SLC20A2: variants seen among roughly 807,000 people sequenced by gnomAD.
SLC20A2 encodes the protein sodium-dependent phosphate transporter 2.
A neutral mutation model predicts 61.0 loss-of-function variants in SLC20A2; 30 were observed. The observed-to-expected ratio is 0.49, with a 90% CI of 0.37 to 0.67. The LOEUF (loss-of-function observed/expected upper bound fraction) is 0.67. SLC20A2 is among the 30% of genes least tolerant of loss of function. The pLI is 0.00. For missense variants in SLC20A2, 626 were observed against 866.4 expected (o/e 0.72, Z 3.48); for synonymous variants, 351 against 353.3 (o/e 0.99, Z 0.07).
chr8:42,447,307 T>C (rs980163641), intron 5 of SLC20A2, among the ~76,000 whole-genome samples: 1 of 151,250 alleles, frequency 6.6e-6, no homozygotes, highest in Admixed American at 6.6e-5. Flanking sequence ...GATAGCGCCA[T>C]TGAACTCCAG....
intron 5 of SLC20A2, among the ~76,000 whole-genome samples, chr8:42,451,800 G>A (rs1183986134): frequency 6.9e-6 from 1 of 144,048 alleles, no homozygotes; most frequent in Non-Finnish European, 1.5e-5. Flanking sequence ...AGAGGAGGAG[G>A]AAGAGATGGA....
chr8:42,513,560 A>G (rs1348089706), intron 1 of SLC20A2, among the ~76,000 whole-genome samples: 3 of 152,344 alleles, frequency 2.0e-5, no homozygotes, highest in Admixed American at 1.3e-4. Context: ...AACCACTCCT[A>G]TACCACATTG....
upstream of SLC20A2, among the ~76,000 whole-genome samples, chr8:42,503,644 T>C (rs1418406390): frequency 2.6e-5 from 4 of 152,352 alleles, no homozygotes; most frequent in East Asian, 7.7e-4. Flanking sequence ...TTCTTTTGTT[T>C]GTACTGCCCC....
chr8:42,508,352 T>TTTTG (rs34337764), intron 1 of SLC20A2, among the ~76,000 whole-genome samples: 16,540 of 151,940 alleles, frequency 0.11, 990 homozygotes, highest in African/African-American at 0.16. Context: ...TGGTATTTGT[T>TTTTG]TTTGTTTGTT....
At chr8:42,464,048 G>GAC (rs572387988) in intron 3 of SLC20A2, among the ~76,000 whole-genome samples, 97 of 145,350 alleles carry the variant, frequency 6.7e-4, no homozygotes, top group Non-Finnish European at 3.9e-4. Flanking sequence ...AGGTAGAGAG[G>GAC]ACAGTTGACA....
intron 2 of SLC20A2, among the ~76,000 whole-genome samples, chr8:42,466,432 C>T (rs1479809564): frequency 6.6e-6 from 1 of 152,184 alleles, no homozygotes; most frequent in African/African-American, 2.4e-5. Context: ...ACACTGACTG[C>T]CCTTGTCAGT....
intron 1 of SLC20A2, among the ~76,000 whole-genome samples, chr8:42,490,450 A>T (rs1222187991): frequency 6.6e-6 from 1 of 152,174 alleles, no homozygotes; most frequent in Non-Finnish European, 1.5e-5. Context: ...TACAAAAATT[A>T]GCCGGACATG....
chr8:42,455,963 A>C (rs757904334), intron 5 of SLC20A2, among the ~76,000 whole-genome samples: 3 of 152,212 alleles, frequency 2.0e-5, no homozygotes, highest in Non-Finnish European at 4.4e-5. Flanking sequence ...AGTTCAATAC[A>C]GTTACATTAT....
chr8:42,505,454 TA>T (rs1336201401), upstream of SLC20A2, among the ~76,000 whole-genome samples: 4 of 152,284 alleles, frequency 2.6e-5, no homozygotes, highest in African/African-American at 9.6e-5. Flanking sequence ...AAATGAAGGT[TA>T]TTTTCTGATC....
intron 5 of SLC20A2, among the ~76,000 whole-genome samples, chr8:42,445,709 A>G (rs1368164530): frequency 6.6e-6 from 1 of 151,788 alleles, no homozygotes. Context: ...TCTGGGCAAC[A>G]AGAGTAAAAC....
chr8:42,533,800 A>G (rs2131445385), intron 1 of SLC20A2, among the ~76,000 whole-genome samples: 1 of 150,902 alleles, frequency 6.6e-6, no homozygotes, highest in Middle Eastern at 3.4e-3. Context: ...GCTGGATTAC[A>G]GGCGTGCACC....
At chr8:42,432,824 T>G (rs1171669754) in intron 8 of SLC20A2, among the ~76,000 whole-genome samples, 1 of 152,222 alleles carries the variant, frequency 6.6e-6, no homozygotes, top group Admixed American at 6.5e-5. Context: ...AATTAAGGTA[T>G]GTACATTGTT....
At chr8:42,539,866 A>C (rs1384509669) in intron 1 of SLC20A2, among the ~76,000 whole-genome samples, 2 of 152,228 alleles carry the variant, frequency 1.3e-5, no homozygotes, top group East Asian at 3.8e-4. Flanking sequence ...TCAGCACCTA[A>C]ATAAAGGGAC....
chr8:42,498,468 A>T (rs1810090450), intron 1 of SLC20A2, among the ~76,000 whole-genome samples: 1 of 151,948 alleles, frequency 6.6e-6, no homozygotes, highest in South Asian at 2.1e-4. Flanking sequence ...CTGCCAGTGT[A>T]GTTACTGAAT....
chr8:42,442,294 A>C (rs1371098612), intron 6 of SLC20A2, among the ~76,000 whole-genome samples: 2 of 152,146 alleles, frequency 1.3e-5, no homozygotes, highest in Non-Finnish European at 2.9e-5. Flanking sequence ...TCTCAACCCA[A>C]GGTCACAAAA....
At chr8:42,427,227 A>G (rs1803475303) in intron 10 of SLC20A2, among the ~76,000 whole-genome samples, 2 of 152,220 alleles carry the variant, frequency 1.3e-5, no homozygotes, top group South Asian at 4.1e-4. Flanking sequence ...CCTCTGCCTC[A>G]GTTTCCTCAT....
Position 42,472,392 on chromosome 8 carries a change from T to C in SLC20A2, c.-2A>G, listed in dbSNP as rs1405935020. The C allele has an allele frequency of 2.5e-6, 4 of 1,607,546 alleles. No homozygotes were observed. In the Admixed American group the frequency reaches 6.7e-5, roughly 27 times the overall value. On this transcript the variant is annotated 5_prime_UTR_variant, in exon 2 of 11. Transcript: ENST00000520262. The surrounding 1 kb of genome is among the most constrained non-coding windows in gnomAD (Gnocchi z 4.1). ...CCACAAATACTCATCCATGGCCATT[T>C]TGGAAAGTGGGTGCCGGGTACTTTT...
intron 5 of SLC20A2, among the ~76,000 whole-genome samples, chr8:42,452,142 TGAA>T (rs1177706647): frequency 3.4e-5 from 3 of 88,074 alleles, no homozygotes; most frequent in South Asian, 3.6e-4. Flanking sequence ...GAGGAAGAGA[TGAA>T]GAGGAGGAGG....
chr8:42,540,253 T>G (rs1813007961), intron 1 of SLC20A2, among the ~76,000 whole-genome samples: 1 of 152,144 alleles, frequency 6.6e-6, no homozygotes, highest in Admixed American at 6.5e-5. Flanking sequence ...GACAGTGCCA[T>G]TGCACTCCAG....
Sources: allele counts gnomAD v4.1 joint callset (sites outside exome capture counted in the v4.1 genomes callset), GRCh38; gene constraint gnomAD v4.1.1; non-coding constraint Gnocchi (gnomAD v3.1); transcripts MANE v1.5; gene names NCBI Gene and HGNC (gene_info 2026-07-23, HGNC 2026-07-21).